DGKB: variants seen among roughly 807,000 people sequenced by gnomAD.
DGKB encodes the protein diacylglycerol kinase beta.
A neutral mutation model predicts 114.3 loss-of-function variants in DGKB; 67 were observed. The ratio of observed to expected loss-of-function variants is 0.59; its 90% CI spans 0.48 to 0.72. The LOEUF (loss-of-function observed/expected upper bound fraction) is 0.72, where lower values mean the gene tolerates loss of function less well. DGKB is among the 30% of genes least tolerant of loss of function. The pLI is 0.00. For missense variants in DGKB, 907 were observed against 975.2 expected (o/e 0.93, Z 0.93); for synonymous variants, 398 against 323.1 (o/e 1.23, Z -2.49).
chr7:14,848,315 T>G lies in DGKB; in HGVS notation c.-187-6865A>C, dbSNP rs183476026. On this transcript the variant is annotated intron_variant, in intron 1 of 25. Coordinates refer to ENST00000402815, the MANE Select transcript of DGKB (RefSeq NM_001350709.2). ...TCAAGAATGACTCCTGTATTTTGGC[T>G]TGAGTGCAGGAAATGGAAAGGTAGA... Among the ~76,000 whole-genome samples, 18 of 152,286 alleles carry G rather than the reference T, an allele frequency of 1.2e-4. 1 individual carries two copies. The South Asian group carries it at 1.2e-3, about 11-fold the overall frequency.
At chr7:14,856,975 C>T (rs1366209439) in intron 1 of DGKB, among the ~76,000 whole-genome samples, 5 of 152,200 alleles carry the variant, frequency 3.3e-5, no homozygotes, top group African/African-American at 9.6e-5. Context: ...GTGGGTAAAA[C>T]CTGAAACATG....
intron 8 of DGKB, among the ~76,000 whole-genome samples, chr7:14,695,360 A>G (rs1823632429): frequency 1.3e-5 from 2 of 151,946 alleles, no homozygotes; most frequent in South Asian, 4.2e-4. Context: ...CTCAAATCCC[A>G]TGGGCCTCAT....
chr7:14,463,643 C>T (rs1833410514), intron 21 of DGKB, among the ~76,000 whole-genome samples: 1 of 152,152 alleles, frequency 6.6e-6, no homozygotes, highest in African/African-American at 2.4e-5. Context: ...CAAAAGAAGT[C>T]TTTTCTGGAA....
chr7:14,950,907 G>A (rs1029491439), intron 1 of DGKB, among the ~76,000 whole-genome samples: 1 of 151,648 alleles, frequency 6.6e-6, no homozygotes. Context: ...GCTCAAGTGG[G>A]ATCTGTTCCA....
chr7:14,750,226 A>C (rs764080652), intron 4 of DGKB: 1 of 496,152 alleles, frequency 2.0e-6, no homozygotes, highest in South Asian at 1.5e-5. Context: ...ATAATTTTCT[A>C]AACAGATTTT....
At chr7:14,356,102 T>C (rs1310700674) in intron 21 of DGKB, among the ~76,000 whole-genome samples, 1 of 152,178 alleles carries the variant, frequency 6.6e-6, no homozygotes, top group Non-Finnish European at 1.5e-5. Context: ...TAGTTTGTAT[T>C]TCTGTGGGAT....
intron 2 of DGKB, among the ~76,000 whole-genome samples, chr7:14,771,795 G>T (rs775906302): frequency 6.6e-6 from 1 of 151,982 alleles, no homozygotes; most frequent in Non-Finnish European, 1.5e-5. Context: ...TTCCCCCTTT[G>T]TTTTCCTTCC....
At chr7:14,720,096 GCACGCACGCA>G (rs894629687) in intron 5 of DGKB, among the ~76,000 whole-genome samples, 1 of 149,988 alleles carries the variant, frequency 6.7e-6, no homozygotes, top group Non-Finnish European at 1.5e-5. Flanking sequence ...ACACACACAC[GCACGCACGCA>G]CACACACGCA....
At chr7:14,636,360 T>G (rs1810751754) in intron 13 of DGKB, among the ~76,000 whole-genome samples, 1 of 151,794 alleles carries the variant, frequency 6.6e-6, no homozygotes, top group South Asian at 2.1e-4. Flanking sequence ...GAAACAAGTC[T>G]CAATGTACAC....
chr7:14,625,668 G>A (rs1412540438), intron 14 of DGKB, among the ~76,000 whole-genome samples: 1 of 151,900 alleles, frequency 6.6e-6, no homozygotes, highest in Non-Finnish European at 1.5e-5. Context: ...TTACATTGTT[G>A]TAATTAAGGC....
chr7:14,826,282 T>C (rs1036866154), intron 2 of DGKB, among the ~76,000 whole-genome samples: 3 of 152,148 alleles, frequency 2.0e-5, no homozygotes, highest in Admixed American at 2.0e-4. Flanking sequence ...GCTTTCAAAA[T>C]GAGTCCATAT....
At chr7:14,841,918 T>C (rs1383377521) in intron 1 of DGKB, among the ~76,000 whole-genome samples, 1 of 152,194 alleles carries the variant, frequency 6.6e-6, no homozygotes, top group African/African-American at 2.4e-5. Flanking sequence ...AGTTTTATGA[T>C]TTAAAAAAAT....
intron 2 of DGKB, among the ~76,000 whole-genome samples, chr7:14,840,725 CACACACACACACACACACA>C (rs1847811826): frequency 6.7e-6 from 1 of 148,538 alleles, no homozygotes; most frequent in South Asian, 2.1e-4. Flanking sequence ...CACACACACA[CACACACACACACACACACA>C]CCTCTCCCTT....
chr7:14,705,419 C>T (rs1225899536), intron 6 of DGKB, among the ~76,000 whole-genome samples: 1 of 151,178 alleles, frequency 6.6e-6, no homozygotes, highest in Admixed American at 6.6e-5. Context: ...GGAGAACTTC[C>T]CCAATCTAGC....
intron 1 of DGKB, among the ~76,000 whole-genome samples, chr7:14,939,223 C>A (rs1332044631): frequency 6.6e-6 from 1 of 151,972 alleles, no homozygotes; most frequent in Non-Finnish European, 1.5e-5. Context: ...AAATGAATTT[C>A]TTATTGTATA....
At chr7:14,579,074 T>G (rs1004757318) in intron 19 of DGKB, among the ~76,000 whole-genome samples, 2 of 152,226 alleles carry the variant, frequency 1.3e-5, no homozygotes, top group Non-Finnish European at 2.9e-5. Context: ...AGAGACCTTC[T>G]TGGCCATCTA....
chr7:14,893,880 A>C (rs1249449649), intron 1 of DGKB, among the ~76,000 whole-genome samples: 2 of 151,304 alleles, frequency 1.3e-5, no homozygotes, highest in African/African-American at 2.4e-5. Flanking sequence ...ATGGTATTAT[A>C]ATTTATACAT....
intron 20 of DGKB, among the ~76,000 whole-genome samples, chr7:14,533,739 G>A (rs918449237): frequency 2.0e-5 from 3 of 151,964 alleles, no homozygotes; most frequent in South Asian, 2.1e-4. Flanking sequence ...CAGCAGAAAT[G>A]TTTCAGTCCA....
intron 24 of DGKB, among the ~76,000 whole-genome samples, chr7:14,177,362 CT>C (rs1275567928): frequency 6.6e-6 from 1 of 151,854 alleles, no homozygotes; most frequent in Non-Finnish European, 1.5e-5. Context: ...TGAAACCAGC[CT>C]GACCAACATG....
Sources: allele counts gnomAD v4.1 joint callset (sites outside exome capture counted in the v4.1 genomes callset), GRCh38; gene constraint gnomAD v4.1.1; transcripts MANE v1.5; gene names NCBI Gene and HGNC (gene_info 2026-07-23, HGNC 2026-07-21).